The following KLHDC4 variants were observed in gnomAD, a reference collection of about 807,000 sequenced individuals.
KLHDC4 encodes kelch domain containing 4.
In KLHDC4, 90 loss-of-function variants were observed where a neutral mutation model predicts 62.4. The observed-to-expected ratio is 1.44, with a 90% CI of 1.22 to 1.72. The LOEUF is 1.72. KLHDC4 is among the 40% of genes most tolerant of loss of function. KLHDC4 has a pLI of 0.00. For missense variants in KLHDC4, 1,025 were observed against 699.7 expected, an observed-to-expected ratio of 1.47 and a Z score of -5.25; for synonymous variants, 386 against 284.4, an observed-to-expected ratio of 1.36 and a Z score of -3.59.
chr16:87,754,710 C>T (rs2044580626), intron 4 of KLHDC4, among the ~76,000 whole-genome samples: 1 of 152,202 alleles, frequency 6.6e-6, no homozygotes, highest in African/African-American at 2.4e-5. Context: ...AAGCCCCTTC[C>T]CTGACAGGAG....
chr16:87,720,493 C>T (rs1206875379), intron 7 of KLHDC4, among the ~76,000 whole-genome samples: 2 of 152,242 alleles, frequency 1.3e-5, no homozygotes, highest in Non-Finnish European at 2.9e-5. Flanking sequence ...ACCGCACGCA[C>T]CGTGCCCTCC....
chr16:87,738,508 T>G (rs2041734827), intron 5 of KLHDC4, among the ~76,000 whole-genome samples: 1 of 152,094 alleles, frequency 6.6e-6, no homozygotes, highest in African/African-American at 2.4e-5. Context: ...ACAACCCAAG[T>G]GCCCAACAGA....
At chr16:87,704,151 G>A (rs537429764), downstream of KLHDC4, among the ~76,000 whole-genome samples, 2 of 152,348 alleles carry the variant, frequency 1.3e-5, no homozygotes, top group South Asian at 2.1e-4. Context: ...AGCACACGGC[G>A]CCGCCACCTC....
chr16:87,727,792 C>T (rs772417507), intron 6 of KLHDC4, among the ~76,000 whole-genome samples: 1 of 152,156 alleles, frequency 6.6e-6, no homozygotes, highest in Non-Finnish European at 1.5e-5. Flanking sequence ...CAGCTCTAGC[C>T]CAAGTCTCAA....
In KLHDC4 at chr16:87,707,953, C is replaced by G; in HGVS notation, c.*124G>C. 2.1e-6 allele frequency: 1 copy of G among 468,482 alleles called. No homozygotes were observed. 29.0% of individuals were successfully genotyped at this position (468,482 alleles called of 1,614,324 possible). A position where few individuals can be genotyped will look rare whatever the true frequency, so the allele number is the denominator to read the frequency against. ...AAAGTTCACACCCTGGCCTGGGCCACCCACCTTCAGCTCTCTCCTGTGCGT... is the reference window on the plus strand; with the variant it reads ...AAAGTTCACACCCTGGCCTGGGCCAGCCACCTTCAGCTCTCTCCTGTGCGT... On this transcript the variant is annotated 3_prime_UTR_variant, in exon 12 of 12. Transcript: ENST00000270583.
Position 87,708,028 on chromosome 16 carries a change from G to A in KLHDC4, c.*49C>T. On this transcript the variant is annotated 3_prime_UTR_variant, in exon 12 of 12. Transcript: ENST00000270583. ...CTTCACTCAACACGGCTGGGTCCTG[G>A]GCGGACGTGGGCACAGCACTTGCCA... 1 of 508,448 alleles carries A rather than the reference G, an allele frequency of 2.0e-6. No individual in the cohort carries two copies. The highest frequency in any genetic ancestry group is 3.8e-6 in the Non-Finnish European group (1 of 260,974). 31.5% of individuals were successfully genotyped at this position (508,448 alleles called of 1,614,324 possible).
At chr16:87,711,563 TG>T in intron 8 of KLHDC4, 120 bp from the exon 9 acceptor site, 1 of 796,096 alleles carries the variant, frequency 1.3e-6, no homozygotes, top group Non-Finnish European at 1.9e-6. Flanking sequence ...ACCGTGAGAC[TG>T]TGGGCAAAAA....
intron 6 of KLHDC4, among the ~76,000 whole-genome samples, chr16:87,727,158 C>G (rs2039511728): frequency 7.3e-6 from 1 of 136,448 alleles, no homozygotes; most frequent in Admixed American, 7.3e-5. Context: ...TTGACGCAAT[C>G]TACCTGGAGA....
At chr16:87,720,627 A>G (rs1165215031) in intron 7 of KLHDC4, among the ~76,000 whole-genome samples, 2 of 152,242 alleles carry the variant, frequency 1.3e-5, no homozygotes, top group Non-Finnish European at 2.9e-5. Context: ...GGGACCCATG[A>G]CGAGAGGACC....
At position 87,756,457 on chromosome 16, in the gene KLHDC4, A is replaced by AGGTTAAATG; in HGVS notation, c.211_212insCATTTAACC (p.Val71delinsAlaPheAsnLeu). 1 of 1,613,934 alleles carries AGGTTAAATG rather than the reference A, an allele frequency of 6.2e-7. No homozygotes were observed. Among genetic ancestry groups the AGGTTAAATG allele is most frequent in the South Asian group, 1.1e-5 (1 of 91,074 alleles). On this transcript the variant is annotated protein_altering_variant, in exon 3 of 12. Coordinates refer to ENST00000270583, the MANE Select transcript of KLHDC4 (RefSeq NM_017566.4). ...GATTAACTCATCTTTCTCAGGATGA[A>AGGTTAAATG]CCGAGAGGGAGGCATTTAACCTACA...
chr16:87,730,678 C>A, intron 5 of KLHDC4, 34 bp from the exon 6 acceptor site: 1 of 1,563,570 alleles, frequency 6.4e-7, no homozygotes, highest in South Asian at 1.2e-5. Context: ...CACTATCAAC[C>A]TGCTTAATTT....
At chr16:87,744,122 T>C (rs62055591) in intron 5 of KLHDC4, among the ~76,000 whole-genome samples, 11,538 of 152,008 alleles carry the variant, frequency 0.076, 607 homozygotes, top group Non-Finnish European at 0.11. Context: ...CTACTAAAAA[T>C]ACAAAAATTA....
intron 5 of KLHDC4, among the ~76,000 whole-genome samples, chr16:87,744,453 G>A (rs1256041024): frequency 3.3e-5 from 5 of 150,364 alleles, no homozygotes; most frequent in African/African-American, 1.2e-4. Flanking sequence ...CATGATGGCA[G>A]ACACCTGTAA....
At chr16:87,713,131 G>C (rs1230156444) in intron 8 of KLHDC4, among the ~76,000 whole-genome samples, 4 of 152,188 alleles carry the variant, frequency 2.6e-5, no homozygotes, top group African/African-American at 4.8e-5. Flanking sequence ...TCCTGGGCTA[G>C]AACAATCCTC....
At chr16:87,745,207 A>G (rs1056388291) in intron 5 of KLHDC4, among the ~76,000 whole-genome samples, 1 of 152,328 alleles carries the variant, frequency 6.6e-6, no homozygotes, top group African/African-American at 2.4e-5. Context: ...CCCTACACCC[A>G]TATTGCCCAG....
intron 7 of KLHDC4, among the ~76,000 whole-genome samples, chr16:87,715,838 C>A (rs2036855236): frequency 6.6e-6 from 1 of 152,128 alleles, no homozygotes; most frequent in Non-Finnish European, 1.5e-5. Context: ...CAGACTTCGG[C>A]CACGCTACTG....
chr16:87,720,605 G>A (rs1459132251), intron 7 of KLHDC4, among the ~76,000 whole-genome samples: 5 of 152,232 alleles, frequency 3.3e-5, no homozygotes, highest in Admixed American at 3.3e-4. Context: ...GTTTTGCGGG[G>A]CTTGGGAGAG....
At chr16:87,721,058 A>AC in intron 7 of KLHDC4, among the ~76,000 whole-genome samples, 1 of 151,604 alleles carries the variant, frequency 6.6e-6, no homozygotes, top group South Asian at 2.1e-4. Flanking sequence ...CGGCCACTCA[A>AC]CCCCCCACAG....
intron 1 of KLHDC4, chr16:87,763,570 G>A (rs922134296): frequency 6.6e-6 from 1 of 152,148 alleles, no homozygotes; most frequent in African/African-American, 2.4e-5. Flanking sequence ...ATGCCACTGC[G>A]ACACTTGCTC....
Sources: gnomAD v4.1 joint callset for allele counts (sites outside exome capture counted in the v4.1 genomes callset) on GRCh38, gnomAD v4.1.1 for gene constraint, MANE v1.5 for transcripts, NCBI Gene and HGNC (gene_info 2026-07-23, HGNC 2026-07-21) for gene names.